Variants in QTMAN observed in about 807,000 individuals in gnomAD.
QTMAN encodes the protein queuosine-tRNA mannosyltransferase, also known as tRNA-queuosine alpha-mannosyltransferase.
chr2:143,974,333 A>C, the QTMAN span, among the ~76,000 whole-genome samples: 1 of 152,214 alleles, frequency 6.6e-6, no homozygotes. Context: ...CAAGTATTGC[A>C]ATTTAGGAAA....
the QTMAN span, among the ~76,000 whole-genome samples, chr2:144,071,880 G>C: frequency 6.6e-6 from 1 of 152,068 alleles, no homozygotes; most frequent in Admixed American, 6.6e-5. Context: ...TCTTAGAAGT[G>C]CACAAAAAAG....
chr2:144,215,249 TAA>T, the QTMAN span, among the ~76,000 whole-genome samples: 152 of 139,710 alleles, frequency 1.1e-3, 1 homozygote, highest in African/African-American at 3.5e-3. Context: ...CTTTATTTTT[TAA>T]AAAAAAAAAA....
the QTMAN span, chr2:143,947,246 C>T: frequency 2.7e-6 from 2 of 748,382 alleles, no homozygotes; most frequent in Non-Finnish European, 4.5e-6. Flanking sequence ...ACGTCAATTA[C>T]ATTTCAAAAA....
the QTMAN span, chr2:144,128,153 A>G: frequency 6.6e-6 from 1 of 152,058 alleles, no homozygotes; most frequent in African/African-American, 2.4e-5. Flanking sequence ...GCAAAGAGAA[A>G]GCATTAAAAA....
At chr2:144,269,435 C>T in the QTMAN span, among the ~76,000 whole-genome samples, 1 of 151,888 alleles carries the variant, frequency 6.6e-6, no homozygotes, top group South Asian at 2.1e-4. Flanking sequence ...TGAATGATAT[C>T]GTTAATTTTT....
chr2:144,224,758 C>T, the QTMAN span, among the ~76,000 whole-genome samples: 2 of 152,044 alleles, frequency 1.3e-5, no homozygotes, highest in East Asian at 1.9e-4. Context: ...AAGCTCTGTG[C>T]GACCACAAAA....
the QTMAN span, among the ~76,000 whole-genome samples, chr2:143,982,984 AG>A: frequency 3.1e-4 from 47 of 152,280 alleles, no homozygotes; most frequent in East Asian, 7.5e-3. Context: ...ATAAACCAAC[AG>A]GTAGAAAAGA....
At chr2:144,240,190 C>A in the QTMAN span, among the ~76,000 whole-genome samples, 2 of 152,122 alleles carry the variant, frequency 1.3e-5, no homozygotes, top group Non-Finnish European at 2.9e-5. Context: ...TAAGACTCAG[C>A]AGGACAGAGA....
At chr2:144,318,407 C>T in the QTMAN span, among the ~76,000 whole-genome samples, 3 of 152,130 alleles carry the variant, frequency 2.0e-5, no homozygotes, top group African/African-American at 7.2e-5. Flanking sequence ...CCCTTTCATT[C>T]CAGATTCAAA....
chr2:144,292,894 T>C, the QTMAN span, among the ~76,000 whole-genome samples: 1 of 152,122 alleles, frequency 6.6e-6, no homozygotes, highest in East Asian at 1.9e-4. Context: ...ACTCACAAAT[T>C]ATCAAGTAAT....
chr2:144,134,565 T>G, the QTMAN span, among the ~76,000 whole-genome samples: 1 of 152,124 alleles, frequency 6.6e-6, no homozygotes, highest in Non-Finnish European at 1.5e-5. Flanking sequence ...AAAAACCCAC[T>G]GTTGTTTACT....
the QTMAN span, among the ~76,000 whole-genome samples, chr2:143,963,391 A>G: frequency 8.5e-5 from 13 of 152,074 alleles, no homozygotes; most frequent in Non-Finnish European, 1.5e-4. Context: ...TTGAGCTGGG[A>G]TAAGTGTATT....
chr2:144,327,039 C>T, the QTMAN span, among the ~76,000 whole-genome samples: 2 of 152,150 alleles, frequency 1.3e-5, no homozygotes, highest in South Asian at 4.1e-4. Flanking sequence ...CTGACCTTCT[C>T]CTGCCCCAAG....
chr2:144,291,456 TCA>T, the QTMAN span, among the ~76,000 whole-genome samples: 1 of 152,346 alleles, frequency 6.6e-6, no homozygotes, highest in South Asian at 2.1e-4. Flanking sequence ...CATACTCAGT[TCA>T]CAGTCTACCC....
At chr2:144,162,230 A>C in the QTMAN span, among the ~76,000 whole-genome samples, 16 of 152,082 alleles carry the variant, frequency 1.1e-4, no homozygotes, top group African/African-American at 3.6e-4. Flanking sequence ...TTTGCAAATG[A>C]GGCTGAGACC....
the QTMAN span, among the ~76,000 whole-genome samples, chr2:144,242,960 TAAAAAAAAAA>T: frequency 3.3e-4 from 26 of 77,808 alleles, no homozygotes; most frequent in African/African-American, 6.3e-4. Flanking sequence ...AGACTCTACT[TAAAAAAAAAA>T]AAAAAAAAAA....
chr2:144,209,636 C>T, the QTMAN span, among the ~76,000 whole-genome samples: 9 of 152,182 alleles, frequency 5.9e-5, no homozygotes, highest in African/African-American at 2.2e-4. Flanking sequence ...AGCTATCAAG[C>T]CATTTTTCAT....
the QTMAN span, among the ~76,000 whole-genome samples, chr2:144,236,378 T>A: frequency 5.9e-5 from 9 of 152,214 alleles, no homozygotes; most frequent in African/African-American, 2.2e-4. Context: ...CCATGCACAG[T>A]CTTGAAGAGA....
At chr2:144,222,216 C>T in the QTMAN span, among the ~76,000 whole-genome samples, 3 of 151,738 alleles carry the variant, frequency 2.0e-5, no homozygotes, top group African/African-American at 7.3e-5. Flanking sequence ...CCCGCCACCA[C>T]GCCCGGCTAA....
Sources: allele counts gnomAD v4.1 joint callset (sites outside exome capture counted in the v4.1 genomes callset), GRCh38; gene constraint gnomAD v4.1.1; transcripts MANE v1.5; gene names NCBI Gene and HGNC (gene_info 2026-07-23, HGNC 2026-07-21).